The following SPMIP2 variants were observed in gnomAD, a reference collection of about 807,000 sequenced individuals.
The protein encoded by SPMIP2 is sperm microtubule inner protein 2, also known as protein SPMIP2.
At chr4:158,943,858 C>CTTTCTTTT in the SPMIP2 span, among the ~76,000 whole-genome samples, 26 of 101,910 alleles carry the variant, frequency 2.6e-4, no homozygotes, top group African/African-American at 1.0e-3. Context: ...TTGACATTTT[C>CTTTCTTTT]TTTTTTTTTT....
chr4:158,979,789 GTTTTTT>G, the SPMIP2 span, among the ~76,000 whole-genome samples: 54 of 104,498 alleles, frequency 5.2e-4, no homozygotes, highest in East Asian at 1.9e-3. Flanking sequence ...AGTTGCAAGA[GTTTTTT>G]TTTTTTTTTT....
At chr4:159,000,242 A>G in the SPMIP2 span, among the ~76,000 whole-genome samples, 1 of 152,214 alleles carries the variant, frequency 6.6e-6, no homozygotes, top group Non-Finnish European at 1.5e-5. Flanking sequence ...ACATATTCAT[A>G]CTAAAAAAAT....
the SPMIP2 span, among the ~76,000 whole-genome samples, chr4:159,002,522 A>G: frequency 1.3e-5 from 2 of 152,194 alleles, no homozygotes; most frequent in African/African-American, 4.8e-5. Context: ...CCCAGCCTAA[A>G]TAATCTTTGT....
the SPMIP2 span, chr4:158,905,188 C>T: frequency 1.3e-5 from 2 of 152,328 alleles, no homozygotes; most frequent in African/African-American, 4.8e-5. Flanking sequence ...TTGGAGTTTA[C>T]CTTGTTTCAG....
the SPMIP2 span, among the ~76,000 whole-genome samples, chr4:158,995,855 CAAAAAAAAAAA>C: frequency 1.3e-4 from 9 of 70,774 alleles, no homozygotes; most frequent in East Asian, 8.9e-4. Context: ...GACTCCATCT[CAAAAAAAAAAA>C]AAAAAAAAAA....
chr4:158,985,689 CA>C, the SPMIP2 span, among the ~76,000 whole-genome samples: 1 of 152,044 alleles, frequency 6.6e-6, no homozygotes, highest in Non-Finnish European at 1.5e-5. Flanking sequence ...ACTGAATGGG[CA>C]AAAGCTGGAA....
chr4:158,901,483 G>A, the SPMIP2 span, among the ~76,000 whole-genome samples: 5 of 152,042 alleles, frequency 3.3e-5, no homozygotes, highest in South Asian at 4.2e-4. Flanking sequence ...TGCTCTTCTC[G>A]AGGAGTATCT....
the SPMIP2 span, among the ~76,000 whole-genome samples, chr4:159,073,370 T>C: frequency 6.6e-6 from 1 of 152,072 alleles, no homozygotes; most frequent in Non-Finnish European, 1.5e-5. Flanking sequence ...CCCAAGCTGT[T>C]CTCAAACTCC....
chr4:159,082,006 C>T, the SPMIP2 span, among the ~76,000 whole-genome samples: 1 of 151,912 alleles, frequency 6.6e-6, no homozygotes, highest in African/African-American at 2.4e-5. Context: ...ACCTGGTTTA[C>T]ATGAGAGTTC....
the SPMIP2 span, among the ~76,000 whole-genome samples, chr4:159,052,444 T>G: frequency 6.6e-6 from 1 of 151,990 alleles, no homozygotes; most frequent in Non-Finnish European, 1.5e-5. Context: ...AAAAGATTTA[T>G]CTGCTCAGAT....
At chr4:158,961,581 T>C in the SPMIP2 span, among the ~76,000 whole-genome samples, 12 of 152,162 alleles carry the variant, frequency 7.9e-5, no homozygotes, top group Admixed American at 7.9e-4. Flanking sequence ...TATCAGCTTA[T>C]CCATTGAATT....
the SPMIP2 span, among the ~76,000 whole-genome samples, chr4:158,989,181 T>C: frequency 1.3e-5 from 2 of 152,066 alleles, no homozygotes; most frequent in Admixed American, 6.6e-5. Flanking sequence ...TTACAAGAGA[T>C]GTGAAGGATC....
the SPMIP2 span, among the ~76,000 whole-genome samples, chr4:158,999,223 G>A: frequency 2.6e-5 from 4 of 151,406 alleles, no homozygotes; most frequent in Non-Finnish European, 5.9e-5. Context: ...CTTAATAGTA[G>A]TTTTGCTTCA....
chr4:159,040,202 C>T, the SPMIP2 span, among the ~76,000 whole-genome samples: 1 of 151,988 alleles, frequency 6.6e-6, no homozygotes. Context: ...GACGGAGTCT[C>T]GCTCTGTTGC....
the SPMIP2 span, chr4:158,907,616 G>A: frequency 2.0e-5 from 3 of 152,026 alleles, no homozygotes; most frequent in Non-Finnish European, 4.4e-5. Flanking sequence ...GGATTTTTCC[G>A]CTAATATGTA....
the SPMIP2 span, among the ~76,000 whole-genome samples, chr4:158,930,930 A>G: frequency 1.3e-5 from 1 of 78,798 alleles, no homozygotes; most frequent in African/African-American, 4.6e-5. Flanking sequence ...AGAGTTTGTT[A>G]AACCTCTTGA....
At chr4:158,952,363 T>C in the SPMIP2 span, among the ~76,000 whole-genome samples, 1 of 152,352 alleles carries the variant, frequency 6.6e-6, no homozygotes, top group East Asian at 1.9e-4. Flanking sequence ...TTTCCCCATA[T>C]TGTCCTTGTG....
the SPMIP2 span, among the ~76,000 whole-genome samples, chr4:159,023,243 G>A: frequency 6.6e-6 from 1 of 152,048 alleles, no homozygotes; most frequent in South Asian, 2.1e-4. Flanking sequence ...ACCCATGTGA[G>A]TGAGCATCAT....
the SPMIP2 span, among the ~76,000 whole-genome samples, chr4:158,981,338 T>A: frequency 2.0e-5 from 3 of 152,010 alleles, no homozygotes; most frequent in Admixed American, 6.6e-5. Flanking sequence ...AACATTCAAA[T>A]TCAGGAAATA....
Sources: allele counts gnomAD v4.1 joint callset (sites outside exome capture counted in the v4.1 genomes callset), GRCh38; gene constraint gnomAD v4.1.1; transcripts MANE v1.5; gene names NCBI Gene and HGNC (gene_info 2026-07-23, HGNC 2026-07-21).